Variants in NLGN1 observed in about 807,000 individuals in gnomAD.
The protein encoded by NLGN1 is neuroligin-1.
NLGN1 carries 12 observed loss-of-function variants against 65.5 expected under a neutral mutation model. That is an observed-to-expected ratio of 0.18 (90% CI 0.12 to 0.30). The LOEUF is 0.30. Among genes scored for constraint, NLGN1 ranks in the 10% least tolerant of loss-of-function variants. The pLI, the probability that NLGN1 is intolerant of heterozygous loss-of-function variation, is 1.00. For missense variants in NLGN1, 750 were observed against 1,007.1 expected (o/e 0.74, Z 3.46); for synonymous variants, 350 against 359.5 (o/e 0.97, Z 0.30).
intron 3 of NLGN1, among the ~76,000 whole-genome samples, chr3:173,655,640 G>A (rs1386163325): frequency 2.0e-5 from 3 of 151,674 alleles, no homozygotes; most frequent in Non-Finnish European, 4.4e-5. Flanking sequence ...ATTTCTGGAT[G>A]AATTTGTTTA....
intron 4 of NLGN1, among the ~76,000 whole-genome samples, chr3:174,105,338 GACTAGCCTGGGCA>G (rs1484306094): frequency 3.3e-5 from 5 of 152,060 alleles, no homozygotes; most frequent in Non-Finnish European, 7.4e-5. Context: ...AGGAGGTCAA[GACTAGCCTGGGCA>G]ACATGGTTAA....
chr3:173,721,620 G>T (rs1025199232), intron 3 of NLGN1, among the ~76,000 whole-genome samples: 1 of 151,922 alleles, frequency 6.6e-6, no homozygotes, highest in African/African-American at 2.4e-5. Context: ...CAACCCATTG[G>T]GTTTTTCAAA....
Position 173,450,505 on chromosome 3 carries a change from C to T in NLGN1, c.-321+15427C>T, listed in dbSNP as rs1721291461. Among the ~76,000 whole-genome samples the T allele has an allele frequency of 3.3e-5, 5 of 152,240 alleles. No homozygotes were observed. In the South Asian group the frequency reaches 1.0e-3, roughly 32 times the overall value. On this transcript the variant is annotated intron_variant, in intron 2 of 6. Transcript: ENST00000457714. ...GGGCTGCCCTTAACATTTTTTCCTT[C>T]ATTTCAACTTTGGTGAATCTGACAA...
At chr3:174,087,054 A>T (rs563728123) in intron 4 of NLGN1, among the ~76,000 whole-genome samples, 1 of 152,292 alleles carries the variant, frequency 6.6e-6, no homozygotes, top group East Asian at 1.9e-4. Flanking sequence ...CTCACATATA[A>T]GTGGGAGCTA....
At chr3:173,958,434 A>G (rs1712676371) in intron 4 of NLGN1, among the ~76,000 whole-genome samples, 1 of 152,108 alleles carries the variant, frequency 6.6e-6, no homozygotes, top group African/African-American at 2.4e-5. Flanking sequence ...TGGAGTGGGT[A>G]GCTCCTCTCC....
chr3:173,479,026 A>T lies in NLGN1; in HGVS notation c.-321+43948A>T, dbSNP rs562543727. Among the ~76,000 whole-genome samples the T allele has an allele frequency of 2.5e-4, 38 of 152,308 alleles. No individual in the cohort carries two copies. In the South Asian group the frequency reaches 7.5e-3, roughly 30 times the overall value. ...AGTTGAAGAACTAGAGGAAATGAGT[A>T]TAGACTATTCTTTCAAAAGTCTTAC... is the stretch of plus-strand genomic sequence containing the variant. On this transcript the variant is annotated intron_variant, in intron 2 of 6. Coordinates refer to ENST00000457714, the Ensembl canonical transcript of NLGN1.
Position 173,993,654 on chromosome 3 carries a change from TGATAGATAGATA to T in NLGN1, c.646+185852_646+185863del, listed in dbSNP as rs10648000. On this transcript the variant is annotated intron_variant, in intron 4 of 6. Transcript: ENST00000457714. Reference sequence around the variant, plus strand: ...ATAGATAGAAAGATAGCTAGATAGATGATAGATAGATAGATAGATAGATAGATAGATAGATAG... The same window carrying T: ...ATAGATAGAAAGATAGCTAGATAGATGATAGATAGATAGATAGATAGATAG... Among the ~76,000 whole-genome samples, 573 of 147,376 alleles carry T rather than the reference TGATAGATAGATA, an allele frequency of 3.9e-3. 3 individuals are homozygous for T. The highest frequency in any genetic ancestry group is 0.013 in the African/African-American group (507 of 39,814).
At chr3:173,503,169 A>G (rs1327112001) in intron 2 of NLGN1, among the ~76,000 whole-genome samples, 1 of 152,054 alleles carries the variant, frequency 6.6e-6, no homozygotes, top group East Asian at 1.9e-4. Flanking sequence ...ACCTGACCTT[A>G]CAAGTATTAA....
At chr3:173,498,727 C>T (rs1268402500) in intron 2 of NLGN1, among the ~76,000 whole-genome samples, 3 of 151,812 alleles carry the variant, frequency 2.0e-5, no homozygotes, top group South Asian at 4.1e-4. Context: ...TGTTTCCTGA[C>T]TTTTTAATGA....
chr3:173,564,168 A>G (rs6808060), intron 2 of NLGN1, among the ~76,000 whole-genome samples: 72,889 of 152,044 alleles, frequency 0.48, 17,348 homozygotes, highest in East Asian at 0.84. Context: ...CATATTCCTG[A>G]AATGTTTTTC....
chr3:173,569,980 G>A (rs1744368300), intron 2 of NLGN1, among the ~76,000 whole-genome samples: 1 of 152,060 alleles, frequency 6.6e-6, no homozygotes, highest in Admixed American at 6.6e-5. Flanking sequence ...GGGGAACAAA[G>A]GTAGGAATGT....
intron 2 of NLGN1, among the ~76,000 whole-genome samples, chr3:173,560,501 G>T (rs895862939): frequency 4.7e-5 from 7 of 148,736 alleles, no homozygotes; most frequent in African/African-American, 1.5e-4. Flanking sequence ...TACTCCTGTA[G>T]ATTTAAAGCA....
chr3:174,213,306 T>C (rs1002818744), intron 4 of NLGN1, among the ~76,000 whole-genome samples: 1 of 152,176 alleles, frequency 6.6e-6, no homozygotes, highest in African/African-American at 2.4e-5. Context: ...GTCAAATGTT[T>C]TGTTAGAGTA....
chr3:173,511,334 C>T (rs1732939193), intron 2 of NLGN1, among the ~76,000 whole-genome samples: 1 of 152,124 alleles, frequency 6.6e-6, no homozygotes, highest in African/African-American at 2.4e-5. Context: ...CACCACCTCC[C>T]CCATTATTGA....
chr3:173,576,828 G>A lies in NLGN1; in HGVS notation c.-320-27451G>A, dbSNP rs77586134. Among the ~76,000 whole-genome samples the A allele has an allele frequency of 5.8e-3, 876 of 152,158 alleles. 6 individuals carry two copies. The highest frequency in any genetic ancestry group is 0.018 in the African/African-American group (763 of 41,498). On this transcript the variant is annotated intron_variant, in intron 2 of 6. Coordinates refer to ENST00000457714, the Ensembl canonical transcript of NLGN1. ...GGTGGAGGGTATTATTCCAATTACCGTATTAAGTATATTTAATGCTATTCT... is the reference window on the plus strand; with the variant it reads ...GGTGGAGGGTATTATTCCAATTACCATATTAAGTATATTTAATGCTATTCT...
chr3:173,692,896 A>G (rs909762450), intron 3 of NLGN1, among the ~76,000 whole-genome samples: 10 of 152,048 alleles, frequency 6.6e-5, no homozygotes, highest in African/African-American at 2.2e-4. Flanking sequence ...ATTAACAGGT[A>G]CTATATAGAG....
intron 2 of NLGN1, among the ~76,000 whole-genome samples, chr3:173,572,732 G>T (rs1327910672): frequency 1.3e-5 from 2 of 152,142 alleles, no homozygotes; most frequent in African/African-American, 4.8e-5. Flanking sequence ...TTTGAATAGG[G>T]CATCCTGGGT....
intron 4 of NLGN1, among the ~76,000 whole-genome samples, chr3:173,878,650 GTA>G (rs201561847): frequency 0.012 from 1,723 of 146,824 alleles, 34 homozygotes; most frequent in African/African-American, 0.037. Context: ...TTATATATGT[GTA>G]TATATATATA....
At chr3:174,228,719 C>T (rs1033679549) in intron 4 of NLGN1, among the ~76,000 whole-genome samples, 5 of 152,066 alleles carry the variant, frequency 3.3e-5, no homozygotes, top group Admixed American at 6.5e-5. Flanking sequence ...CTTTTCATAA[C>T]TCTTCTTCAG....
Sources: gnomAD v4.1 joint callset for allele counts (sites outside exome capture counted in the v4.1 genomes callset) on GRCh38, gnomAD v4.1.1 for gene constraint, MANE v1.5 for transcripts, NCBI Gene and HGNC (gene_info 2026-07-23, HGNC 2026-07-21) for gene names.